UBE2E2: variants seen among roughly 807,000 people sequenced by gnomAD.
UBE2E2 encodes the protein ubiquitin conjugating enzyme E2 E2.
Under a neutral mutation model 24.7 loss-of-function variants are expected in UBE2E2, and 6 were observed. That is an observed-to-expected ratio of 0.24 (90% confidence interval 0.13 to 0.48). The LOEUF is 0.48. UBE2E2 is among the 20% of genes least tolerant of loss of function. The probability of loss-of-function intolerance (pLI) is 0.99; values close to 1 mark genes in which losing one functional copy is unlikely to be tolerated. For missense variants in UBE2E2, 169 were observed against 245.0 expected, an observed-to-expected ratio of 0.69 and a Z score of 2.07; for synonymous variants, 104 against 83.6, an observed-to-expected ratio of 1.24 and a Z score of -1.33.
intron 5 of UBE2E2, 33 bp downstream of exon 5, chr3:23,532,734 C>T (rs761268292): frequency 6.8e-7 from 1 of 1,473,570 alleles, no homozygotes; most frequent in South Asian, 1.5e-5. Context: ...TGAATTGGAG[C>T]TTGTCAAGAT....
intron 3 of UBE2E2, among the ~76,000 whole-genome samples, chr3:23,257,234 T>C (rs1697751908): frequency 6.6e-6 from 1 of 152,178 alleles, no homozygotes; most frequent in African/African-American, 2.4e-5. Flanking sequence ...ATGGATGTAA[T>C]GACACCCAGA....
At chr3:23,460,926 T>C (rs183428648) in intron 3 of UBE2E2, among the ~76,000 whole-genome samples, 16 of 152,324 alleles carry the variant, frequency 1.1e-4, no homozygotes, top group African/African-American at 3.8e-4. Context: ...ATCCTTACAA[T>C]ACTGTTTTAA....
intron 3 of UBE2E2, among the ~76,000 whole-genome samples, chr3:23,344,215 T>G (rs1695481708): frequency 1.3e-5 from 2 of 152,162 alleles, no homozygotes; most frequent in African/African-American, 4.8e-5. Context: ...AGTACTTTGA[T>G]TTATCTGGTT....
rs139049252 is a variant in UBE2E2 at position 23,535,767 on chromosome 3, C to T, written c.508+3066C>T. Reference sequence around the variant, plus strand: ...CCTCCCGAGTAGCTGGGTCTACAGGCCCCACCACCATGCCTGGCTAATTTT... The same window carrying T: ...CCTCCCGAGTAGCTGGGTCTACAGGTCCCACCACCATGCCTGGCTAATTTT... On this transcript the variant is annotated intron_variant, in intron 5 of 5. Transcript: ENST00000396703. Among the ~76,000 whole-genome samples the T allele has an allele frequency of 8.8e-3, 1,331 of 151,824 alleles. 21 individuals are homozygous for T. Among genetic ancestry groups the T allele is most frequent in the African/African-American group, 0.03 (1,242 of 41,386 alleles).
Position 23,407,237 on chromosome 3 carries a change from AT to A in UBE2E2, c.228-92364del, listed in dbSNP as rs1000996840. 6.9e-5 allele frequency among the ~76,000 whole-genome samples: 10 copies of A among 145,366 alleles called. No individual in the cohort carries two copies. Among genetic ancestry groups the A allele is most frequent in the East Asian group, 2.0e-4 (1 of 4,882 alleles). The stretch of plus-strand genomic sequence containing the variant: ...TGCAGGTGAGCATCAAGCTTTACAC[AT>A]TTTTTTCCCCATTTTTTTTCTGGAA... On this transcript the variant is annotated intron_variant, in intron 3 of 5. Transcript: ENST00000396703. The surrounding 1 kb of genome is among the most constrained non-coding windows in gnomAD (Gnocchi z 4.0).
At chr3:23,506,483 G>A (rs1284541003) in intron 4 of UBE2E2, among the ~76,000 whole-genome samples, 1 of 152,014 alleles carries the variant, frequency 6.6e-6, no homozygotes, top group Admixed American at 6.5e-5. Flanking sequence ...AGTCCCACTG[G>A]CTCAATCTTG....
At chr3:23,497,223 G>A (rs1247373168) in intron 3 of UBE2E2, among the ~76,000 whole-genome samples, 1 of 152,088 alleles carries the variant, frequency 6.6e-6, no homozygotes, top group Non-Finnish European at 1.5e-5. Context: ...TGCTTCTTGG[G>A]ACTACTTCCA....
intron 1 of UBE2E2, among the ~76,000 whole-genome samples, chr3:23,206,177 T>C (rs1311201475): frequency 2.0e-5 from 3 of 152,244 alleles, no homozygotes; most frequent in Non-Finnish European, 4.4e-5. Flanking sequence ...TTGCTATATC[T>C]GAGCACCTTT....
At chr3:23,343,956 G>T (rs1168208603) in intron 3 of UBE2E2, among the ~76,000 whole-genome samples, 6 of 152,178 alleles carry the variant, frequency 3.9e-5, no homozygotes, top group Admixed American at 2.0e-4. Flanking sequence ...TTTATGGGTA[G>T]TTCTCAGTTT....
chr3:23,281,285 A>G lies in UBE2E2; in HGVS notation c.227+63973A>G, dbSNP rs180806488. Reference sequence around the variant, plus strand: ...TTAAAATACATGGGAATGTTTCTGTAATATAAAAAAATGCCATTGTAGTTC... The same window carrying G: ...TTAAAATACATGGGAATGTTTCTGTGATATAAAAAAATGCCATTGTAGTTC... On this transcript the variant is annotated intron_variant, in intron 3 of 5. Coordinates refer to ENST00000396703, the MANE Select transcript of UBE2E2 (RefSeq NM_152653.4). 7.2e-4 allele frequency among the ~76,000 whole-genome samples: 110 copies of G among 152,318 alleles called. 1 individual carries two copies. The highest frequency in any genetic ancestry group is 2.5e-3 in the African/African-American group (105 of 41,578).
chr3:23,266,970 A>C (rs1338900199), intron 3 of UBE2E2, among the ~76,000 whole-genome samples: 1 of 152,192 alleles, frequency 6.6e-6, no homozygotes, highest in African/African-American at 2.4e-5. Flanking sequence ...TACATAACGA[A>C]ATGAAGGCAG....
At chr3:23,496,010 C>G (rs770519512) in intron 3 of UBE2E2, among the ~76,000 whole-genome samples, 3 of 152,126 alleles carry the variant, frequency 2.0e-5, no homozygotes, top group Non-Finnish European at 2.9e-5. Context: ...CTCCCCATTC[C>G]ACCTCATCCC....
chr3:23,515,122 T>G (rs1410222875), intron 4 of UBE2E2, among the ~76,000 whole-genome samples: 14 of 18,186 alleles, frequency 7.7e-4, no homozygotes, highest in East Asian at 3.5e-3. Context: ...AAACTTGGGG[T>G]GTGTGTGTGT....
At chr3:23,585,886 T>C (rs1256430052) in intron 5 of UBE2E2, among the ~76,000 whole-genome samples, 6 of 145,938 alleles carry the variant, frequency 4.1e-5, no homozygotes, top group Non-Finnish European at 7.5e-5. Context: ...AAAAAAAAAA[T>C]TATTTGGTTG....
intron 3 of UBE2E2, among the ~76,000 whole-genome samples, chr3:23,345,084 C>A (rs930732996): frequency 3.9e-5 from 6 of 152,186 alleles, no homozygotes; most frequent in African/African-American, 1.4e-4. Context: ...TACAGCTGCA[C>A]TTATTTGCAC....
At chr3:23,441,336 AAC>A (rs1698298156) in intron 3 of UBE2E2, among the ~76,000 whole-genome samples, 1 of 149,834 alleles carries the variant, frequency 6.7e-6, no homozygotes, top group Non-Finnish European at 1.5e-5. Context: ...CGTCCTGGCT[AAC>A]ACAGTGAAAC....
intron 3 of UBE2E2, among the ~76,000 whole-genome samples, chr3:23,320,750 C>G (rs1694717596): frequency 6.6e-6 from 1 of 152,176 alleles, no homozygotes; most frequent in Admixed American, 6.5e-5. Context: ...ATTATTGTGG[C>G]TTTAGCTGGA....
intron 5 of UBE2E2, among the ~76,000 whole-genome samples, chr3:23,572,321 A>G (rs994177457): frequency 2.0e-5 from 3 of 152,184 alleles, no homozygotes; most frequent in Non-Finnish European, 2.9e-5. Context: ...TAATCACTTC[A>G]TTTTAGACTC....
At chr3:23,516,453 G>C (rs1694743235) in intron 4 of UBE2E2, among the ~76,000 whole-genome samples, 1 of 152,130 alleles carries the variant, frequency 6.6e-6, no homozygotes, top group South Asian at 2.1e-4. Flanking sequence ...TATGGTAACA[G>C]ACTCTGATAC....
Sources: allele counts gnomAD v4.1 joint callset (sites outside exome capture counted in the v4.1 genomes callset), GRCh38; gene constraint gnomAD v4.1.1; non-coding constraint Gnocchi (gnomAD v3.1); transcripts MANE v1.5; gene names NCBI Gene and HGNC (gene_info 2026-07-23, HGNC 2026-07-21).